STARD13: variants seen among roughly 807,000 people sequenced by gnomAD.
STARD13 encodes the protein stAR-related lipid transfer protein 13.
Under a neutral mutation model 106.4 loss-of-function variants are expected in STARD13, and 62 were observed. That is an observed-to-expected ratio of 0.58 (90% CI 0.48 to 0.72). The LOEUF is 0.72. Among genes scored for constraint, STARD13 ranks in the 30% least tolerant of loss-of-function variants. The pLI, the probability that STARD13 is intolerant of heterozygous loss-of-function variation, is 0.00. For synonymous variants in STARD13, 565 were observed against 553.0 expected (o/e 1.02, Z -0.31); for missense variants, 1,387 against 1,424.0 (o/e 0.97, Z 0.42).
At chr13:33,662,072 C>T in the STARD13 span, among the ~76,000 whole-genome samples, 25 of 151,906 alleles carry the variant, frequency 1.6e-4, no homozygotes, top group Non-Finnish European at 3.1e-4. Flanking sequence ...ACCATCCTGG[C>T]TAACACGGTG....
chr13:33,499,951 G>T, the STARD13 span, among the ~76,000 whole-genome samples: 1 of 151,396 alleles, frequency 6.6e-6, no homozygotes, highest in East Asian at 1.9e-4. Flanking sequence ...GTTGTTGTTC[G>T]CTGTGCTGCC....
chr13:33,407,566 G>A, the STARD13 span, among the ~76,000 whole-genome samples: 1 of 152,180 alleles, frequency 6.6e-6, no homozygotes, highest in Non-Finnish European at 1.5e-5. Flanking sequence ...ATTTGAAAGT[G>A]TTATTTTAGA....
chr13:33,444,934 T>C, the STARD13 span, among the ~76,000 whole-genome samples: 13 of 152,212 alleles, frequency 8.5e-5, no homozygotes, highest in East Asian at 2.5e-3. Context: ...TATTTTATGA[T>C]AAGGCTGGAT....
chr13:33,271,400 C>G (rs1278755845), intron 1 of STARD13: 1 of 152,322 alleles, frequency 6.6e-6, no homozygotes, highest in Non-Finnish European at 1.5e-5. Context: ...ACAAGAGGCC[C>G]TGAGCTCTGT....
intron 1 of STARD13, among the ~76,000 whole-genome samples, chr13:33,176,893 G>T (rs979297943): frequency 1.3e-5 from 2 of 152,144 alleles, no homozygotes; most frequent in African/African-American, 4.8e-5. Context: ...TAATATAATA[G>T]AAGTTTACAA....
the STARD13 span, among the ~76,000 whole-genome samples, chr13:33,375,270 C>A: frequency 6.6e-6 from 1 of 152,010 alleles, no homozygotes; most frequent in Non-Finnish European, 1.5e-5. Context: ...GGTGAGAATG[C>A]AAAGGGAAGA....
the STARD13 span, among the ~76,000 whole-genome samples, chr13:33,451,205 G>A: frequency 6.6e-6 from 1 of 152,182 alleles, no homozygotes; most frequent in African/African-American, 2.4e-5. Flanking sequence ...TGGAATTCCT[G>A]AAATGTCAGT....
chr13:33,656,361 T>C, the STARD13 span, among the ~76,000 whole-genome samples: 4 of 152,228 alleles, frequency 2.6e-5, no homozygotes, highest in Admixed American at 2.6e-4. Flanking sequence ...ATCTAAGAAA[T>C]ATCTAAAAGT....
chr13:33,635,963 G>T, the STARD13 span, among the ~76,000 whole-genome samples: 5 of 151,732 alleles, frequency 3.3e-5, no homozygotes, highest in Admixed American at 6.6e-5. Context: ...CAGCCTGGGC[G>T]ACAGAGTGAG....
chr13:33,384,038 G>A, the STARD13 span, among the ~76,000 whole-genome samples: 6 of 152,204 alleles, frequency 3.9e-5, no homozygotes, highest in South Asian at 6.2e-4. Flanking sequence ...CTTTGATTGC[G>A]TGGTTCTATT....
the STARD13 span, among the ~76,000 whole-genome samples, chr13:33,615,468 A>G: frequency 6.6e-6 from 1 of 152,254 alleles, no homozygotes; most frequent in East Asian, 1.9e-4. Flanking sequence ...ACTGATTTAC[A>G]TAAAAAGTAT....
chr13:33,548,139 C>T, the STARD13 span, among the ~76,000 whole-genome samples: 1 of 152,022 alleles, frequency 6.6e-6, no homozygotes, highest in South Asian at 2.1e-4. Context: ...ATAAGTAATG[C>T]TAGGTGAAGG....
chr13:33,365,127 A>C, the STARD13 span, among the ~76,000 whole-genome samples: 1 of 152,066 alleles, frequency 6.6e-6, no homozygotes, highest in Admixed American at 6.6e-5. Flanking sequence ...GAAGGGACTG[A>C]GGCTCACCTG....
At chr13:33,557,637 T>G in the STARD13 span, among the ~76,000 whole-genome samples, 2 of 152,214 alleles carry the variant, frequency 1.3e-5, no homozygotes, top group African/African-American at 4.8e-5. Context: ...AGGTGCTCTG[T>G]AAATGATTTT....
chr13:33,525,053 G>A, the STARD13 span, among the ~76,000 whole-genome samples: 5 of 151,948 alleles, frequency 3.3e-5, no homozygotes, highest in Admixed American at 6.6e-5. Context: ...ACAGGGTCTC[G>A]CTCTGTCACC....
chr13:33,426,625 T>A, the STARD13 span, among the ~76,000 whole-genome samples: 1 of 152,248 alleles, frequency 6.6e-6, no homozygotes, highest in Non-Finnish European at 1.5e-5. Context: ...AAATACATTG[T>A]CATTTAATTA....
the STARD13 span, among the ~76,000 whole-genome samples, chr13:33,676,329 C>CTG: frequency 6.6e-6 from 1 of 152,188 alleles, no homozygotes; most frequent in Non-Finnish European, 1.5e-5. Flanking sequence ...GCACCCAGAC[C>CTG]CCCTTTCAAC....
chr13:33,504,344 T>C, the STARD13 span, among the ~76,000 whole-genome samples: 1 of 152,050 alleles, frequency 6.6e-6, no homozygotes, highest in African/African-American at 2.4e-5. Flanking sequence ...AGCAAAGACT[T>C]TGAACCAACC....
Position 33,337,723 on chromosome 13 carries a change from C to T in STARD13, c.124+12567G>A, listed in dbSNP as rs555853905. On this transcript the variant is annotated intron_variant, in intron 1 of 5. Transcript: ENST00000567873. ...TGATTTACACATGGCTGTTGTCTTA[C>T]GTATATAACACCAAGTCACCAGTGA... Among the ~76,000 whole-genome samples, 5 of 152,276 alleles carry T rather than the reference C, an allele frequency of 3.3e-5. No homozygotes were observed. The South Asian group carries it at 1.0e-3, about 32-fold the overall frequency.
Sources: gnomAD v4.1 joint callset for allele counts (sites outside exome capture counted in the v4.1 genomes callset) on GRCh38, gnomAD v4.1.1 for gene constraint, MANE v1.5 for transcripts, NCBI Gene and HGNC (gene_info 2026-07-23, HGNC 2026-07-21) for gene names.